Variants in ESR1 observed in about 807,000 individuals in gnomAD.
ESR1 encodes the protein estrogen receptor 1, also known as estrogen receptor.
Under a neutral mutation model 52.7 loss-of-function variants are expected in ESR1, and 12 were observed. The observed-to-expected ratio is 0.23, with a 90% confidence interval of 0.15 to 0.37. The LOEUF (loss-of-function observed/expected upper bound fraction) is 0.37. Among genes scored for constraint, ESR1 ranks in the 10% least tolerant of loss-of-function variants. The pLI is 1.00. For missense variants in ESR1, 584 were observed against 779.7 expected, an observed-to-expected ratio of 0.75 and a Z score of 2.99; for synonymous variants, 305 against 316.8, an observed-to-expected ratio of 0.96 and a Z score of 0.39.
intron 4 of ESR1, among the ~76,000 whole-genome samples, chr6:152,000,633 C>T (rs147818965): frequency 2.6e-4 from 40 of 152,066 alleles, no homozygotes; most frequent in Non-Finnish European, 4.3e-4. Flanking sequence ...GGAATAACAA[C>T]GGTCTATGTC....
chr6:151,863,655 C>T (rs891513147), intron 2 of ESR1, among the ~76,000 whole-genome samples: 3 of 152,130 alleles, frequency 2.0e-5, no homozygotes, highest in East Asian at 1.9e-4. Flanking sequence ...TGCCTAATTG[C>T]CCTGTCCAGA....
intron 2 of ESR1, among the ~76,000 whole-genome samples, chr6:151,872,054 T>G (rs1791067102): frequency 6.6e-6 from 1 of 152,172 alleles, no homozygotes; most frequent in Non-Finnish European, 1.5e-5. Context: ...GGTATAAAAA[T>G]ATCTATTTGA....
intron 5 of ESR1, among the ~76,000 whole-genome samples, chr6:152,012,156 G>C (rs1433513687): frequency 6.6e-6 from 1 of 150,416 alleles, no homozygotes; most frequent in Non-Finnish European, 1.5e-5. Flanking sequence ...ATTAAAATCT[G>C]TTGTTGCTTC....
chr6:152,039,585 C>A (rs3020353), intron 5 of ESR1, among the ~76,000 whole-genome samples: 66,777 of 151,900 alleles, frequency 0.44, 16,621 homozygotes, highest in African/African-American at 0.67. Flanking sequence ...ACAAGAAGCA[C>A]AAATTTTACT....
At position 151,947,040 on chromosome 6, in the gene ESR1, G is replaced by A. The variant is rs141661781; in HGVS notation, c.1096+2532G>A. Among the ~76,000 whole-genome samples the A allele has an allele frequency of 1.9e-4, 29 of 152,280 alleles. No homozygotes were observed. The East Asian group carries it at 3.9e-3, about 20-fold the overall frequency. On this transcript the variant is annotated intron_variant, in intron 4 of 7. Transcript: ENST00000206249. The stretch of plus-strand genomic sequence containing the variant: ...TAAGTTTTAAAAGAGGAAATAAGCC[G>A]GGCACAGTGGCTCATGCCTGTAATC...
At chr6:151,866,599 T>C (rs1170133871) in intron 2 of ESR1, among the ~76,000 whole-genome samples, 1 of 152,174 alleles carries the variant, frequency 6.6e-6, no homozygotes, top group Non-Finnish European at 1.5e-5. Context: ...GTTCCTGTGT[T>C]AGTTTGCTGA....
chr6:151,799,191 G>A (rs1314743317), intron 2 of ESR1, among the ~76,000 whole-genome samples: 4 of 152,174 alleles, frequency 2.6e-5, no homozygotes, highest in Non-Finnish European at 5.9e-5. Context: ...AAAGAAGGAG[G>A]CACTCCAAGT....
chr6:151,735,907 C>T (rs1459280374), intron 2 of ESR1, among the ~76,000 whole-genome samples: 1 of 152,120 alleles, frequency 6.6e-6, no homozygotes, highest in African/African-American at 2.4e-5. Flanking sequence ...ATCATGACGT[C>T]TGATGTTTTT....
chr6:151,864,070 T>G (rs1334623770), intron 2 of ESR1, among the ~76,000 whole-genome samples: 1 of 152,102 alleles, frequency 6.6e-6, no homozygotes, highest in African/African-American at 2.4e-5. Context: ...TGGGATCTAA[T>G]TAAACTAAAG....
intron 5 of ESR1, among the ~76,000 whole-genome samples, chr6:152,033,888 C>A (rs1212845067): frequency 6.6e-6 from 1 of 152,136 alleles, no homozygotes; most frequent in African/African-American, 2.4e-5. Context: ...AGACTTGGAA[C>A]CAACCCAAAT....
At chr6:151,678,738 G>A (rs1331034932) in intron 1 of ESR1, among the ~76,000 whole-genome samples, 4 of 150,988 alleles carry the variant, frequency 2.6e-5, no homozygotes, top group African/African-American at 9.7e-5. Context: ...CTGGGCTGGA[G>A]TACAGTGGCG....
chr6:152,104,606 T>G (rs1183909947), downstream of ESR1, among the ~76,000 whole-genome samples: 3 of 152,224 alleles, frequency 2.0e-5, no homozygotes, highest in Non-Finnish European at 4.4e-5. Context: ...TATGGTACAA[T>G]AAGAAATATA....
intron 4 of ESR1, among the ~76,000 whole-genome samples, chr6:151,985,201 A>G (rs546626299): frequency 1.6e-4 from 25 of 152,132 alleles, no homozygotes; most frequent in African/African-American, 6.0e-4. Context: ...TGGGACACCA[A>G]TCTTTGAAAA....
intron 2 of ESR1, among the ~76,000 whole-genome samples, chr6:151,790,025 C>T (rs931870265): frequency 1.3e-5 from 2 of 152,116 alleles, no homozygotes; most frequent in African/African-American, 2.4e-5. Flanking sequence ...ATGGGCTCTT[C>T]GGATAACCCC....
chr6:151,681,392 T>A (rs1311800691), intron 1 of ESR1, among the ~76,000 whole-genome samples: 1 of 148,976 alleles, frequency 6.7e-6, no homozygotes, highest in Admixed American at 6.7e-5. Flanking sequence ...ACGCTCCTGA[T>A]GGCAGGAGGG....
intron 3 of ESR1, among the ~76,000 whole-genome samples, chr6:151,923,438 G>C (rs1355689746): frequency 6.6e-6 from 1 of 152,060 alleles, no homozygotes; most frequent in Non-Finnish European, 1.5e-5. Flanking sequence ...CTGTAGCATA[G>C]AATAGTTTCT....
chr6:151,997,879 G>T lies in ESR1; in HGVS notation c.1097-13777G>T, dbSNP rs141424063. Among the ~76,000 whole-genome samples, 137 of 152,224 alleles carry T rather than the reference G, an allele frequency of 9.0e-4. 1 individual carries two copies. The East Asian group carries it at 0.01, about 12-fold the overall frequency. ...AGATGCTACCATCCTGAAAAGATTC[G>T]AAAGCAAGCCCAGGAAAGCCACGGG... On this transcript the variant is annotated intron_variant, in intron 4 of 7. Transcript: ENST00000206249.
intron 3 of ESR1, among the ~76,000 whole-genome samples, chr6:151,918,272 A>C (rs983041965): frequency 1.3e-5 from 2 of 152,210 alleles, no homozygotes; most frequent in Non-Finnish European, 2.9e-5. Flanking sequence ...GGCTTGAGGA[A>C]CAAGATCTGC....
At chr6:151,908,192 A>T (rs937029096) in intron 3 of ESR1, among the ~76,000 whole-genome samples, 1 of 152,118 alleles carries the variant, frequency 6.6e-6, no homozygotes, top group Non-Finnish European at 1.5e-5. Context: ...GTAGGATAAC[A>T]TTTCTCCTTC....
Sources: allele counts gnomAD v4.1 joint callset (sites outside exome capture counted in the v4.1 genomes callset), GRCh38; gene constraint gnomAD v4.1.1; transcripts MANE v1.5; gene names NCBI Gene and HGNC (gene_info 2026-07-23, HGNC 2026-07-21).